CAMK2B: variants seen among roughly 807,000 people sequenced by gnomAD.
The protein encoded by CAMK2B is calcium/calmodulin dependent protein kinase II beta, also known as calcium/calmodulin-dependent protein kinase type II subunit beta.
CAMK2B carries 27 observed loss-of-function variants against 93.7 expected under a neutral mutation model. The ratio of observed to expected loss-of-function variants is 0.29; its 90% CI spans 0.21 to 0.40. The LOEUF is 0.40. Among genes scored for constraint, CAMK2B ranks in the 10% least tolerant of loss-of-function variants. CAMK2B has a pLI of 1.00. For synonymous variants in CAMK2B, 374 were observed against 358.8 expected, an observed-to-expected ratio of 1.04 and a Z score of -0.48; for missense variants, 568 against 895.8, an observed-to-expected ratio of 0.63 and a Z score of 4.67.
At chr7:44,276,529 C>A (rs1375494475) in intron 2 of CAMK2B, among the ~76,000 whole-genome samples, 1 of 152,138 alleles carries the variant, frequency 6.6e-6, no homozygotes, top group Non-Finnish European at 1.5e-5. Flanking sequence ...TCAGCCCCAG[C>A]CCCAATGATC....
At chr7:44,246,404 A>G (rs1287558619) in intron 6 of CAMK2B, among the ~76,000 whole-genome samples, 1 of 152,108 alleles carries the variant, frequency 6.6e-6, no homozygotes, top group Non-Finnish European at 1.5e-5. Context: ...CCAACACACA[A>G]GTGCACACAC....
chr7:44,254,409 C>T (rs576763752), intron 5 of CAMK2B, 133 bp downstream of exon 5: 22 of 674,054 alleles, frequency 3.3e-5, no homozygotes, highest in Admixed American at 6.3e-5. Flanking sequence ...TCATGCCCAT[C>T]GCTCTGGGGT....
chr7:44,275,267 T>G (rs1245578593), intron 2 of CAMK2B, among the ~76,000 whole-genome samples: 1 of 152,182 alleles, frequency 6.6e-6, no homozygotes, highest in African/African-American at 2.4e-5. Context: ...GAACCTGGCA[T>G]TGGACCCTGA....
intron 1 of CAMK2B, among the ~76,000 whole-genome samples, chr7:44,288,434 G>A (rs755082987): frequency 3.2e-4 from 49 of 152,222 alleles, no homozygotes; most frequent in Non-Finnish European, 5.4e-4. Flanking sequence ...GGAAAAAGCC[G>A]GAAGAGGTGC....
chr7:44,294,773 G>T (rs1197918193), intron 1 of CAMK2B, among the ~76,000 whole-genome samples: 1 of 152,186 alleles, frequency 6.6e-6, no homozygotes, highest in Non-Finnish European at 1.5e-5. Flanking sequence ...TTCTATGGGG[G>T]TGCTGGCCTC....
intron 3 of CAMK2B, among the ~76,000 whole-genome samples, chr7:44,260,130 G>A (rs567206926): frequency 1.1e-4 from 16 of 152,324 alleles, no homozygotes; most frequent in Middle Eastern, 3.4e-3. Flanking sequence ...GGCCACAGAC[G>A]CTGAATGGGT....
intron 2 of CAMK2B, among the ~76,000 whole-genome samples, chr7:44,282,807 C>A (rs970906950): frequency 6.6e-6 from 1 of 152,244 alleles, no homozygotes; most frequent in Non-Finnish European, 1.5e-5. Flanking sequence ...CCCACCAACC[C>A]AGAGGAGGCC....
At chr7:44,323,363 C>G (rs1015547528) in intron 1 of CAMK2B, among the ~76,000 whole-genome samples, 1 of 152,270 alleles carries the variant, frequency 6.6e-6, no homozygotes, top group Non-Finnish European at 1.5e-5. Context: ...TCCTTTCCAG[C>G]AGCAGCTCAT....
At chr7:44,263,460 C>T (rs1190220343) in intron 2 of CAMK2B, among the ~76,000 whole-genome samples, 1 of 152,060 alleles carries the variant, frequency 6.6e-6, no homozygotes, top group Admixed American at 6.5e-5. Context: ...CAGAATGGGG[C>T]CGGGAGGGGG....
chr7:44,314,890 T>C (rs1429643914), intron 1 of CAMK2B, among the ~76,000 whole-genome samples: 2 of 152,238 alleles, frequency 1.3e-5, no homozygotes, highest in Non-Finnish European at 2.9e-5. Flanking sequence ...TTTAGAGAAA[T>C]GTCTAAGTCC....
At chr7:44,307,258 G>T (rs1286908641) in intron 1 of CAMK2B, among the ~76,000 whole-genome samples, 3 of 139,930 alleles carry the variant, frequency 2.1e-5, no homozygotes, top group East Asian at 2.3e-4. Context: ...AGGGAAGAGG[G>T]TGTGAGCAAG....
At chr7:44,229,353 A>G (rs2096555452) in intron 18 of CAMK2B, 35 bp downstream of exon 18, 1 of 1,422,932 alleles carries the variant, frequency 7.0e-7, no homozygotes, top group African/African-American at 1.4e-5. Flanking sequence ...GCCCTCCAAC[A>G]TGACCCCCAC....
intron 13 of CAMK2B, among the ~76,000 whole-genome samples, chr7:44,238,149 C>T (rs999456848): frequency 6.6e-6 from 1 of 152,212 alleles, no homozygotes; most frequent in African/African-American, 2.4e-5. Flanking sequence ...GATGGGTGGT[C>T]CTCTCAGCCC....
intron 1 of CAMK2B, among the ~76,000 whole-genome samples, chr7:44,290,358 C>A (rs1031403252): frequency 1.3e-5 from 2 of 152,260 alleles, no homozygotes; most frequent in East Asian, 1.9e-4. Flanking sequence ...GCCCCCTCCC[C>A]GCTCAGGTCC....
chr7:44,310,321 A>G (rs982935880), intron 1 of CAMK2B, among the ~76,000 whole-genome samples: 3 of 152,216 alleles, frequency 2.0e-5, no homozygotes, highest in African/African-American at 7.2e-5. Context: ...CTCAGAAGAA[A>G]GAAATGGGGC....
chr7:44,221,094 C>T, intron 20 of CAMK2B, 193 bp from the exon 21 acceptor site: 2 of 585,620 alleles, frequency 3.4e-6, no homozygotes, highest in Non-Finnish European at 6.1e-6. Context: ...AGTGCAACAG[C>T]TTCCATCTTA....
At position 44,219,096 on chromosome 7, in the gene CAMK2B, T is replaced by G. The variant is rs1349996785; in HGVS notation, c.*429A>C. 6.6e-6 allele frequency: 1 copy of G among 152,178 alleles called. No homozygotes were observed. Among genetic ancestry groups the G allele is most frequent in the African/African-American group, 2.4e-5 (1 of 41,414 alleles). The allele number at this position is 152,178 out of a possible 1,614,324, so 9.4% of individuals were successfully genotyped here. On this transcript the variant is annotated 3_prime_UTR_variant, in exon 24 of 24. Coordinates refer to ENST00000395749, the MANE Select transcript of CAMK2B (RefSeq NM_001220.5). ...CAGGAGGATGCAGACACCTTAGGTG[T>G]GGGGTGTGTGCGTTACCTACAAACT...
intron 5 of CAMK2B, among the ~76,000 whole-genome samples, chr7:44,247,954 A>G (rs1049348911): frequency 1.3e-5 from 2 of 152,160 alleles, no homozygotes; most frequent in Non-Finnish European, 2.9e-5. Flanking sequence ...GCTTGAACCC[A>G]GGAGGTGGAG....
At chr7:44,260,779 G>A (rs1481002128) in intron 3 of CAMK2B, among the ~76,000 whole-genome samples, 1 of 152,054 alleles carries the variant, frequency 6.6e-6, no homozygotes, top group Admixed American at 6.5e-5. Flanking sequence ...TTCAAGCCCA[G>A]TGCAGAAAGA....
Sources: gnomAD v4.1 joint callset for allele counts (sites outside exome capture counted in the v4.1 genomes callset) on GRCh38, gnomAD v4.1.1 for gene constraint, MANE v1.5 for transcripts, NCBI Gene and HGNC (gene_info 2026-07-23, HGNC 2026-07-21) for gene names.